JAK2: variants seen among roughly 807,000 people sequenced by gnomAD.
JAK2 encodes tyrosine-protein kinase JAK2.
A neutral mutation model predicts 139.3 loss-of-function variants in JAK2; 86 were observed. That is an observed-to-expected ratio of 0.62 (90% CI 0.52 to 0.74). The LOEUF is 0.74. Among genes scored for constraint, JAK2 ranks in the 30% least tolerant of loss-of-function variants. The pLI is 0.00. For synonymous variants in JAK2, 490 were observed against 437.7 expected, an observed-to-expected ratio of 1.12 and a Z score of -1.49; for missense variants, 1,421 against 1,360.3, an observed-to-expected ratio of 1.04 and a Z score of -0.70.
At chr9:5,031,934 C>CCA (rs1823182272) in intron 4 of JAK2, among the ~76,000 whole-genome samples, 1 of 152,226 alleles carries the variant, frequency 6.6e-6, no homozygotes, top group Non-Finnish European at 1.5e-5. Flanking sequence ...GTGCAGCACA[C>CCA]TGAGCATGAG....
At chr9:5,111,609 T>C in intron 22 of JAK2, 1 of 368,648 alleles carries the variant, frequency 2.7e-6, no homozygotes. Context: ...CTGGGCCAGG[T>C]GGGCTTTGGC....
At chr9:5,114,222 C>T (rs1822923345) in intron 22 of JAK2, 1 of 517,422 alleles carries the variant, frequency 1.9e-6, no homozygotes. Flanking sequence ...CCCCTTCTAC[C>T]TGTTCATCCG....
chr9:5,021,725 A>G (rs375952749), intron 2 of JAK2, among the ~76,000 whole-genome samples: 16 of 152,256 alleles, frequency 1.1e-4, no homozygotes, highest in African/African-American at 3.1e-4. Flanking sequence ...TCCCAGGTTC[A>G]AGCAATTCTT....
chr9:5,085,934 A>T, intron 19 of JAK2: 1 of 1,106,550 alleles, frequency 9.0e-7, no homozygotes. Context: ...AGTCTCTCCA[A>T]CCGAGTTTGA....
At chr9:5,058,493 T>A (rs1442108225) in intron 8 of JAK2, among the ~76,000 whole-genome samples, 1 of 152,044 alleles carries the variant, frequency 6.6e-6, no homozygotes, top group African/African-American at 2.4e-5. Flanking sequence ...TCCCACCATG[T>A]CCCTCCCTCG....
At chr9:5,045,543 A>T (rs1277021796) in intron 5 of JAK2, among the ~76,000 whole-genome samples, 1 of 152,192 alleles carries the variant, frequency 6.6e-6, no homozygotes, top group Admixed American at 6.5e-5. Context: ...CCAAATGGAA[A>T]CTTCATACCC....
At chr9:5,037,289 G>A (rs1816117646) in intron 4 of JAK2, among the ~76,000 whole-genome samples, 1 of 152,148 alleles carries the variant, frequency 6.6e-6, no homozygotes, top group African/African-American at 2.4e-5. Context: ...CATTGTGGAA[G>A]TCAGTGTGGC....
At chr9:5,103,250 A>G (rs1183056993) in intron 22 of JAK2, among the ~76,000 whole-genome samples, 3 of 146,228 alleles carry the variant, frequency 2.1e-5, no homozygotes, top group East Asian at 3.9e-4. Flanking sequence ...AAAAAAAAAA[A>G]AAAAAGCAGG....
intron 2 of JAK2, among the ~76,000 whole-genome samples, chr9:4,989,871 T>A (rs1215167926): frequency 6.6e-6 from 1 of 152,232 alleles, no homozygotes; most frequent in Non-Finnish European, 1.5e-5. Flanking sequence ...AATTTGATTA[T>A]GGATGTCTTT....
Position 5,050,846 on chromosome 9 carries a change from C to G in JAK2, c.614+15C>G, listed in dbSNP as rs963896092. 2 of 1,600,488 alleles carry G rather than the reference C, an allele frequency of 1.2e-6. No individual in the cohort carries two copies. Among genetic ancestry groups the G allele is most frequent in the South Asian group, 2.2e-5 (2 of 90,644 alleles). On this transcript the variant is annotated intron_variant, in intron 6 of 24. Transcript: ENST00000381652. ...AACTCTATCAGGTAATTTTCTTTTGCAAATCCTTACACATAAGTGTGAGTA... is the reference window on the plus strand; with the variant it reads ...AACTCTATCAGGTAATTTTCTTTTGGAAATCCTTACACATAAGTGTGAGTA...
intron 13 of JAK2, among the ~76,000 whole-genome samples, chr9:5,073,196 TTGTGATTCAC>T (rs1300585713): frequency 6.6e-6 from 1 of 152,244 alleles, no homozygotes; most frequent in Non-Finnish European, 1.5e-5. Flanking sequence ...GTATTGGTGA[TTGTGATTCAC>T]TAATCATACC....
At chr9:5,117,404 C>A (rs1823279656) in intron 22 of JAK2, among the ~76,000 whole-genome samples, 1 of 152,150 alleles carries the variant, frequency 6.6e-6, no homozygotes, top group Non-Finnish European at 1.5e-5. Context: ...TGTTATAGAA[C>A]AGCAGTTCTG....
chr9:5,086,142 C>G, intron 19 of JAK2: 1 of 386,482 alleles, frequency 2.6e-6, no homozygotes, highest in Non-Finnish European at 4.3e-6. Flanking sequence ...CCGGCGGCCC[C>G]GCAAGGCTCG....
At position 5,129,145 on chromosome 9, in the gene JAK2, A is replaced by G. The variant is rs555575793; in HGVS notation, c.*2354A>G. Among the ~76,000 whole-genome samples, 25 of 152,188 alleles carry G rather than the reference A, an allele frequency of 1.6e-4. No homozygotes were observed. The South Asian group carries it at 3.3e-3, about 20-fold the overall frequency. On this transcript the variant is annotated 3_prime_UTR_variant, in exon 25 of 25. Coordinates refer to ENST00000381652, the MANE Select transcript of JAK2 (RefSeq NM_004972.4). ...TTAAATTTTATTTAAACAGCTACAA[A>G]AGAGTTAGCAAATACCTACAGTTCT...
intron 2 of JAK2, among the ~76,000 whole-genome samples, chr9:4,991,568 A>G (rs1414035074): frequency 6.6e-6 from 1 of 152,180 alleles, no homozygotes; most frequent in Non-Finnish European, 1.5e-5. Flanking sequence ...TATTGAGGGA[A>G]TGGACTAAAT....
intron 22 of JAK2, among the ~76,000 whole-genome samples, chr9:5,091,765 G>A (rs1414011087): frequency 6.6e-6 from 1 of 152,132 alleles, no homozygotes; most frequent in African/African-American, 2.4e-5. Flanking sequence ...CTTAAGTCGG[G>A]GGGCTGAATG....
Position 5,080,390 on chromosome 9 carries a change from T to C in JAK2, c.2283+10T>C. The C allele has an allele frequency of 6.2e-7, 1 of 1,602,152 alleles. No homozygotes were observed. The highest frequency in any genetic ancestry group is 8.5e-7 in the Non-Finnish European group (1 of 1,173,626). On this transcript the variant is annotated intron_variant, in intron 17 of 24. Coordinates refer to ENST00000381652, the MANE Select transcript of JAK2 (RefSeq NM_004972.4). ...TCTGGATTCTCAAAGAGTAAGTTTA[T>C]ATAGACTAAGTTAGAATTACTCTAT...
chr9:5,068,020 C>G lies in JAK2; in HGVS notation c.1327-1002C>G, dbSNP rs775107997. Among the ~76,000 whole-genome samples, 39 of 151,868 alleles carry G rather than the reference C, an allele frequency of 2.6e-4. 1 individual carries two copies. Among genetic ancestry groups the G allele is most frequent in the Non-Finnish European group, 5.3e-4 (36 of 67,972 alleles). On this transcript the variant is annotated intron_variant, in intron 10 of 24. Transcript: ENST00000381652. ...ACCAAAATTACAAAAATTAGCTGGG[C>G]ATGGTGGTGCGCACCTGTAGTCCCA...
At chr9:5,085,768 A>C in intron 19 of JAK2, 1 of 754,364 alleles carries the variant, frequency 1.3e-6, no homozygotes, top group South Asian at 1.4e-5. Context: ...ACATGTCGGG[A>C]GTTATTATGA....
Sources: allele counts gnomAD v4.1 joint callset (sites outside exome capture counted in the v4.1 genomes callset), GRCh38; gene constraint gnomAD v4.1.1; transcripts MANE v1.5; gene names NCBI Gene and HGNC (gene_info 2026-07-23, HGNC 2026-07-21).